WWC1: variants seen among roughly 807,000 people sequenced by gnomAD.
WWC1 encodes the protein protein KIBRA.
WWC1 carries 55 observed loss-of-function variants against 138.4 expected under a neutral mutation model. That is an observed-to-expected ratio of 0.40 (90% CI 0.32 to 0.50). The LOEUF (loss-of-function observed/expected upper bound fraction) is 0.50, where lower values mean the gene tolerates loss of function less well. Among genes scored for constraint, WWC1 ranks in the 20% least tolerant of loss-of-function variants. WWC1 has a pLI of 0.72. For missense variants in WWC1, 1,226 were observed against 1,420.4 expected (o/e 0.86, Z 2.20); for synonymous variants, 524 against 564.9 (o/e 0.93, Z 1.03).
rs572744538 is a variant in WWC1, at chr5:168,467,077, T to A, written c.3151-763T>A. Among the ~76,000 whole-genome samples, 19 of 152,204 alleles carry A rather than the reference T, an allele frequency of 1.2e-4. No individual in the cohort carries two copies. In the East Asian group the frequency reaches 3.7e-3, roughly 29 times the overall value. ...GAGATTGAGACCATCCTTTGAATGG[T>A]GAAACCCCGTCTCTACTAAAGATAC... On this transcript the variant is annotated intron_variant, in intron 21 of 22. Coordinates refer to ENST00000265293, the MANE Select transcript of WWC1 (RefSeq NM_015238.3).
intron 2 of WWC1, among the ~76,000 whole-genome samples, chr5:168,382,679 T>C (rs1378429115): frequency 2.0e-5 from 3 of 152,154 alleles, no homozygotes; most frequent in South Asian, 2.1e-4. Context: ...TTTTACAAAT[T>C]CCATCTCCGC....
intron 9 of WWC1, among the ~76,000 whole-genome samples, chr5:168,417,186 A>G (rs1480711989): frequency 1.9e-5 from 2 of 102,564 alleles, no homozygotes; most frequent in African/African-American, 1.1e-4. Context: ...TTATTAAAAA[A>G]TGACATTTAA....
chr5:168,405,471 GAGTCA>G (rs1229000777), intron 5 of WWC1, among the ~76,000 whole-genome samples: 1 of 152,186 alleles, frequency 6.6e-6, no homozygotes, highest in Non-Finnish European at 1.5e-5. Flanking sequence ...AAGCCTCCCA[GAGTCA>G]AGTCAACGAT....
intron 17 of WWC1, among the ~76,000 whole-genome samples, chr5:168,450,693 A>G (rs1366181843): frequency 6.6e-6 from 1 of 152,112 alleles, no homozygotes; most frequent in East Asian, 1.9e-4. Flanking sequence ...TTAATCTCAA[A>G]TGGGTTATAG....
intron 22 of WWC1, 94 bp downstream of exon 22, chr5:168,468,058 T>G: frequency 6.4e-7 from 1 of 1,556,598 alleles, no homozygotes; most frequent in South Asian, 1.2e-5. Context: ...CATCCCTTGC[T>G]CACAGAGCAC....
chr5:168,442,828 C>A (rs1754903586), intron 16 of WWC1, among the ~76,000 whole-genome samples: 1 of 146,414 alleles, frequency 6.8e-6, no homozygotes, highest in East Asian at 2.0e-4. Flanking sequence ...CAGAGCAAGA[C>A]TCCATCTCAG....
intron 1 of WWC1, among the ~76,000 whole-genome samples, chr5:168,317,502 A>G (rs1771708915): frequency 6.6e-6 from 1 of 152,064 alleles, no homozygotes; most frequent in Non-Finnish European, 1.5e-5. Flanking sequence ...TGCAGAGTAG[A>G]CAGGGCTGCG....
intron 1 of WWC1, among the ~76,000 whole-genome samples, chr5:168,309,012 C>T (rs1414161501): frequency 6.6e-6 from 1 of 152,144 alleles, no homozygotes; most frequent in Non-Finnish European, 1.5e-5. Context: ...ATTCATGCCT[C>T]AGCACCTCCA....
chr5:168,386,622 C>G (rs1223759810), intron 3 of WWC1, among the ~76,000 whole-genome samples: 1 of 151,710 alleles, frequency 6.6e-6, no homozygotes, highest in African/African-American at 2.4e-5. Flanking sequence ...ATCTCGATCT[C>G]CTGTCCTCGT....
intron 15 of WWC1, among the ~76,000 whole-genome samples, chr5:168,440,763 C>A (rs1339881776): frequency 6.6e-6 from 1 of 152,162 alleles, no homozygotes; most frequent in Non-Finnish European, 1.5e-5. Context: ...ATGATCCACC[C>A]ACCTCAGCCT....
rs768757431 is a variant in WWC1 at position 168,455,524 on chromosome 5, A to G, written c.2823+4A>G. 3 of 1,612,152 alleles carry G rather than the reference A, an allele frequency of 1.9e-6. No homozygotes were observed. The highest frequency in any genetic ancestry group is 2.5e-6 in the Non-Finnish European group (3 of 1,179,154). ...CCAGAGCCAGTACGTGTGCCGGGTA[A>G]GTGAGCGTGCGGCCCTCTTCTGCTC... On this transcript the variant is annotated splice_donor_region_variant and intron_variant, in intron 19 of 22. Coordinates refer to ENST00000265293, the MANE Select transcript of WWC1 (RefSeq NM_015238.3).
chr5:168,361,772 C>T (rs1775898313), intron 1 of WWC1, among the ~76,000 whole-genome samples: 1 of 152,136 alleles, frequency 6.6e-6, no homozygotes, highest in South Asian at 2.1e-4. Flanking sequence ...TTGGGGGCCT[C>T]ATTTGGGCAG....
At chr5:168,434,472 A>G (rs775000544) in intron 15 of WWC1, among the ~76,000 whole-genome samples, 7 of 152,280 alleles carry the variant, frequency 4.6e-5, no homozygotes, top group Middle Eastern at 3.4e-3. Flanking sequence ...AGTTGAGTCT[A>G]TGTGTCTACC....
intron 15 of WWC1, among the ~76,000 whole-genome samples, chr5:168,441,434 T>C (rs1431398328): frequency 2.0e-5 from 3 of 152,186 alleles, no homozygotes; most frequent in Non-Finnish European, 4.4e-5. Flanking sequence ...CACAGTTTTT[T>C]TAATTAAAAA....
At chr5:168,321,778 C>A (rs1772134009) in intron 1 of WWC1, among the ~76,000 whole-genome samples, 1 of 152,174 alleles carries the variant, frequency 6.6e-6, no homozygotes, top group African/African-American at 2.4e-5. Context: ...CTCAGGTGAT[C>A]CGCCTGCCTC....
rs1416895712 is a variant in WWC1, at chr5:168,292,058, C to T, written c.-95C>T. The T allele has an allele frequency of 4.4e-6, 6 of 1,368,988 alleles. No individual in the cohort carries two copies. Among genetic ancestry groups the T allele is most frequent in the Non-Finnish European group, 5.6e-6 (6 of 1,062,960 alleles). 84.8% of individuals were successfully genotyped at this position (1,368,988 alleles called of 1,614,324 possible). ...CGCCACCCCCCGGATCATGGTGCCT[C>T]GGCGGCCGCCCGGGCTAAGAGCGGC... is the stretch of plus-strand genomic sequence containing the variant. On this transcript the variant is annotated 5_prime_UTR_variant, in exon 1 of 23. Transcript: ENST00000265293. This position sits in a 1 kb window ranked among gnomAD's most constrained non-coding sequence, Gnocchi z 4.4.
At chr5:168,330,205 C>T (rs751400649) in intron 1 of WWC1, among the ~76,000 whole-genome samples, 13 of 152,212 alleles carry the variant, frequency 8.5e-5, no homozygotes, top group Non-Finnish European at 1.8e-4. Flanking sequence ...CTGCCACCCT[C>T]ACTCACTAGG....
At chr5:168,405,811 C>G (rs10039333) in intron 5 of WWC1, among the ~76,000 whole-genome samples, 9,220 of 150,904 alleles carry the variant, frequency 0.061, 329 homozygotes, top group African/African-American at 0.099. Flanking sequence ...ACTACAACCT[C>G]TGCCTCCCAG....
At chr5:168,377,385 G>C (rs1339294723) in intron 2 of WWC1, among the ~76,000 whole-genome samples, 2 of 152,060 alleles carry the variant, frequency 1.3e-5, no homozygotes, top group Non-Finnish European at 2.9e-5. Flanking sequence ...GAATTTATGA[G>C]TAAGTCCTCA....
Sources: gnomAD v4.1 joint callset for allele counts (sites outside exome capture counted in the v4.1 genomes callset) on GRCh38, gnomAD v4.1.1 for gene constraint, Gnocchi (gnomAD v3.1) non-coding constraint, MANE v1.5 for transcripts, NCBI Gene and HGNC (gene_info 2026-07-23, HGNC 2026-07-21) for gene names.